Variants in ASIC2 observed in about 807,000 individuals in gnomAD.
ASIC2 encodes acid-sensing ion channel 2.
In ASIC2, 25 loss-of-function variants were observed where a neutral mutation model predicts 57.3. The observed-to-expected ratio is 0.44, with a 90% CI of 0.32 to 0.61. The LOEUF is 0.61. Ranked by LOEUF, ASIC2 falls within the 20% of genes least tolerant of loss-of-function variation. The pLI is 0.06. For synonymous variants in ASIC2, 319 were observed against 307.5 expected (o/e 1.04, Z -0.39); for missense variants, 641 against 738.1 (o/e 0.87, Z 1.52).
intron 1 of ASIC2, among the ~76,000 whole-genome samples, chr17:33,210,468 C>T (rs1327843115): frequency 1.3e-5 from 2 of 152,212 alleles, no homozygotes; most frequent in African/African-American, 4.8e-5. Context: ...TCTGCACTCT[C>T]ATCCCCTCCA....
intron 3 of ASIC2, among the ~76,000 whole-genome samples, chr17:33,062,615 G>A (rs1160687811): frequency 6.6e-6 from 1 of 152,182 alleles, no homozygotes. Context: ...GTGTGGTGGG[G>A]TGCTGAGAAG....
intron 1 of ASIC2, among the ~76,000 whole-genome samples, chr17:33,715,302 C>T (rs909242528): frequency 1.3e-5 from 2 of 152,134 alleles, no homozygotes; most frequent in African/African-American, 4.8e-5. Flanking sequence ...GTGCATAGCC[C>T]ATTTTTAAAC....
intron 1 of ASIC2, among the ~76,000 whole-genome samples, chr17:33,452,765 G>GTGTGTGTGTGTGTGTGTGTA (rs1234669963): frequency 2.0e-5 from 3 of 151,706 alleles, no homozygotes; most frequent in African/African-American, 7.3e-5. Flanking sequence ...GTGTGTGTGT[G>GTGTGTGTGTGTGTGTGTGTA]TGTGTGTGTG....
chr17:33,651,986 G>A (rs1254399376), intron 1 of ASIC2, among the ~76,000 whole-genome samples: 1 of 152,208 alleles, frequency 6.6e-6, no homozygotes, highest in Non-Finnish European at 1.5e-5. Context: ...CCAGAAAGGA[G>A]TGTGTGCATG....
chr17:34,057,732 G>T (rs1908822237), intron 1 of ASIC2, among the ~76,000 whole-genome samples: 1 of 152,112 alleles, frequency 6.6e-6, no homozygotes, highest in Admixed American at 6.6e-5. Context: ...CTTGGCAATA[G>T]AAACTAAACA....
At chr17:33,365,094 C>T (rs116742324) in intron 1 of ASIC2, among the ~76,000 whole-genome samples, 2,441 of 152,270 alleles carry the variant, frequency 0.016, 65 homozygotes, top group African/African-American at 0.055. Flanking sequence ...CCCTCTGCTT[C>T]GGTGTGACCA....
At chr17:33,410,744 C>T (rs928283020) in intron 1 of ASIC2, among the ~76,000 whole-genome samples, 4 of 152,242 alleles carry the variant, frequency 2.6e-5, no homozygotes, top group African/African-American at 9.6e-5. Context: ...TCTCTTCATC[C>T]ATGACTGTTG....
chr17:33,659,743 G>A (rs576953668), intron 1 of ASIC2, among the ~76,000 whole-genome samples: 3 of 151,794 alleles, frequency 2.0e-5, no homozygotes, highest in African/African-American at 2.4e-5. Context: ...GAGGTGGCAG[G>A]CGCCTGTAGT....
At chr17:33,244,397 G>A (rs1352466795) in intron 1 of ASIC2, among the ~76,000 whole-genome samples, 1 of 152,210 alleles carries the variant, frequency 6.6e-6, no homozygotes, top group Admixed American at 6.5e-5. Flanking sequence ...ATCATTTGGT[G>A]ATCTTTTTGG....
intron 1 of ASIC2, among the ~76,000 whole-genome samples, chr17:33,357,205 C>CA (rs1908419011): frequency 6.6e-6 from 1 of 152,074 alleles, no homozygotes; most frequent in South Asian, 2.1e-4. Context: ...GAAGTCCCTC[C>CA]AAGTCCTCAC....
At chr17:33,334,150 C>A (rs938603945) in intron 1 of ASIC2, among the ~76,000 whole-genome samples, 7 of 152,190 alleles carry the variant, frequency 4.6e-5, no homozygotes, top group African/African-American at 1.7e-4. Flanking sequence ...GAGTTTGAAA[C>A]CTTCAGGACT....
intron 1 of ASIC2, among the ~76,000 whole-genome samples, chr17:33,983,045 T>G (rs898481803): frequency 6.6e-6 from 1 of 152,204 alleles, no homozygotes; most frequent in East Asian, 1.9e-4. Flanking sequence ...CAACCATCAA[T>G]CAAAAGAAAC....
Position 34,132,719 on chromosome 17 carries a change from C to T in ASIC2, c.555+23259G>A, listed in dbSNP as rs544618916. Among the ~76,000 whole-genome samples, 4 of 152,340 alleles carry T rather than the reference C, an allele frequency of 2.6e-5. No homozygotes were observed. In the South Asian group the frequency reaches 8.3e-4, roughly 32 times the overall value. ...GACCCACGAAGTCCAGCTGGCTTCACCTCTCACTAGCCTGCAAAATAGGAA... is the reference window on the plus strand; with the variant it reads ...GACCCACGAAGTCCAGCTGGCTTCATCTCTCACTAGCCTGCAAAATAGGAA... On this transcript the variant is annotated intron_variant, in intron 1 of 9. Transcript: ENST00000359872.
intron 1 of ASIC2, among the ~76,000 whole-genome samples, chr17:33,397,758 T>C (rs1025725401): frequency 2.0e-5 from 3 of 152,362 alleles, no homozygotes; most frequent in East Asian, 3.9e-4. Flanking sequence ...GCTCAGGGCA[T>C]AGCTCAAGGC....
At chr17:33,765,844 C>T (rs1468362835) in intron 1 of ASIC2, among the ~76,000 whole-genome samples, 1 of 152,218 alleles carries the variant, frequency 6.6e-6, no homozygotes, top group African/African-American at 2.4e-5. Context: ...TTTGGCGTCC[C>T]TTCCCGTGGG....
At chr17:33,171,278 C>G (rs1198164130) in intron 1 of ASIC2, among the ~76,000 whole-genome samples, 1 of 152,158 alleles carries the variant, frequency 6.6e-6, no homozygotes, top group Non-Finnish European at 1.5e-5. Flanking sequence ...AATTCCTATC[C>G]CTAGCCCAAA....
chr17:33,420,371 G>C (rs1039608938), intron 1 of ASIC2, among the ~76,000 whole-genome samples: 4 of 152,194 alleles, frequency 2.6e-5, no homozygotes, highest in Non-Finnish European at 5.9e-5. Context: ...AACTGATGAA[G>C]ATTTTATGAA....
At chr17:33,471,159 C>T (rs1553496) in intron 1 of ASIC2, among the ~76,000 whole-genome samples, 24,986 of 151,994 alleles carry the variant, frequency 0.16, 2,241 homozygotes, top group African/African-American at 0.23. Context: ...TTGTCCTTTA[C>T]GTGTTTTTGG....
In ASIC2 at chr17:33,845,222, A is replaced by T. The variant is rs761159902; in HGVS notation, c.555+310756T>A. ...TAATTCTATCATTTGATTGATATCC[A>T]GTTATATTGATTGGTTCTTAATTTT... On this transcript the variant is annotated intron_variant, in intron 1 of 9. Transcript: ENST00000359872. 1.5e-3 allele frequency among the ~76,000 whole-genome samples: 225 copies of T among 152,348 alleles called. 3 individuals carry two copies. The highest frequency in any genetic ancestry group is 4.4e-3 in the Admixed American group (67 of 15,304).
Sources: allele counts gnomAD v4.1 joint callset (sites outside exome capture counted in the v4.1 genomes callset), GRCh38; gene constraint gnomAD v4.1.1; transcripts MANE v1.5; gene names NCBI Gene and HGNC (gene_info 2026-07-23, HGNC 2026-07-21).